MYO16: variants seen among roughly 807,000 people sequenced by gnomAD.
MYO16 encodes the protein myosin XVI, also known as unconventional myosin-XVI.
In MYO16, 94 loss-of-function variants were observed where a neutral mutation model predicts 205.3. The ratio of observed to expected loss-of-function variants is 0.46; its 90% confidence interval spans 0.39 to 0.54. The LOEUF is 0.54. Ranked by LOEUF, MYO16 falls within the 20% of genes least tolerant of loss-of-function variation. The pLI is 0.00. For synonymous variants in MYO16, 988 were observed against 954.0 expected (o/e 1.04, Z -0.66); for missense variants, 2,315 against 2,387.5 (o/e 0.97, Z 0.63).
At chr13:108,793,782 C>A in intron 6 of MYO16, 142 bp downstream of exon 6, 1 of 967,418 alleles carries the variant, frequency 1.0e-6, no homozygotes, top group Non-Finnish European at 1.5e-6. Flanking sequence ...TTTTGGAAAA[C>A]ACCTAAGTAA....
chr13:108,742,182 C>G (rs568580146), intron 4 of MYO16, among the ~76,000 whole-genome samples: 1 of 151,992 alleles, frequency 6.6e-6, no homozygotes, highest in Admixed American at 6.6e-5. Flanking sequence ...TTAGTAGAGA[C>G]GGGTTTTCAC....
chr13:108,684,477 T>A (rs1392407459), intron 2 of MYO16, among the ~76,000 whole-genome samples: 1 of 152,210 alleles, frequency 6.6e-6, no homozygotes, highest in African/African-American at 2.4e-5. Context: ...TCTGTATCTG[T>A]GTCTATTTGT....
At chr13:108,671,748 GATCAAGGT>G (rs1468932628) in intron 2 of MYO16, among the ~76,000 whole-genome samples, 1 of 152,262 alleles carries the variant, frequency 6.6e-6, no homozygotes. Flanking sequence ...GGAAGTCCAA[GATCAAGGT>G]ACCTGGCTTG....
rs1299840890 is a variant in MYO16 at position 108,806,823 on chromosome 13, T to C, written c.867+19T>C. The C allele has an allele frequency of 2.1e-6, 3 of 1,450,338 alleles. No individual in the cohort carries two copies. The South Asian group carries it at 5.2e-5, about 25-fold the overall frequency. 89.8% of individuals were successfully genotyped at this position (1,450,338 alleles called of 1,614,324 possible). A position where few individuals can be genotyped will look rare whatever the true frequency, so the allele number is the denominator to read the frequency against. On this transcript the variant is annotated intron_variant, in intron 7 of 34. Coordinates refer to ENST00000457511, the MANE Select transcript of MYO16 (RefSeq NM_001198950.3). ...TGGCCAGGTAGAGTGATTTGCTGAA[T>C]TCTTTAAAAAATAATTTTATATAAT...
At chr13:108,751,325 A>G (rs1296340248) in intron 4 of MYO16, among the ~76,000 whole-genome samples, 3 of 152,206 alleles carry the variant, frequency 2.0e-5, no homozygotes, top group Non-Finnish European at 4.4e-5. Context: ...TTTAAGGAGT[A>G]CATCAAAGAA....
At chr13:108,909,739 G>A (rs982159466) in intron 15 of MYO16, among the ~76,000 whole-genome samples, 1 of 152,080 alleles carries the variant, frequency 6.6e-6, no homozygotes, top group Non-Finnish European at 1.5e-5. Flanking sequence ...ACAGACAAGA[G>A]CAAATCTTGT....
chr13:109,134,718 T>C (rs1876691268), intron 31 of MYO16, among the ~76,000 whole-genome samples: 1 of 152,166 alleles, frequency 6.6e-6, no homozygotes, highest in Non-Finnish European at 1.5e-5. Flanking sequence ...GCAGCATCGC[T>C]TTCAGGGAGC....
At chr13:108,833,430 T>C (rs1050310332) in intron 9 of MYO16, among the ~76,000 whole-genome samples, 1 of 152,172 alleles carries the variant, frequency 6.6e-6, no homozygotes, top group African/African-American at 2.4e-5. Flanking sequence ...AAAATTGATG[T>C]AGCTATGTTT....
chr13:108,689,124 G>A (rs1420047238), intron 2 of MYO16, among the ~76,000 whole-genome samples: 1 of 107,164 alleles, frequency 9.3e-6, no homozygotes, highest in African/African-American at 3.7e-5. Flanking sequence ...TAAAACTTTA[G>A]TTGATAATCT....
intron 34 of MYO16, among the ~76,000 whole-genome samples, chr13:109,191,403 A>G (rs1459289862): frequency 1.3e-5 from 2 of 152,154 alleles, no homozygotes; most frequent in African/African-American, 4.8e-5. Flanking sequence ...TAAAATATGT[A>G]ATACACTAAA....
At chr13:109,126,563 C>A (rs969333856) in intron 30 of MYO16, among the ~76,000 whole-genome samples, 1 of 152,174 alleles carries the variant, frequency 6.6e-6, no homozygotes, top group Non-Finnish European at 1.5e-5. Flanking sequence ...TCTGCTGGAA[C>A]TAAACGGCCA....
intron 32 of MYO16, among the ~76,000 whole-genome samples, chr13:109,143,561 AG>A (rs1285171317): frequency 6.6e-6 from 1 of 152,200 alleles, no homozygotes; most frequent in Non-Finnish European, 1.5e-5. Flanking sequence ...GAAAGGAACA[AG>A]GTGAGTTCTT....
chr13:108,652,536 C>T (rs1881058725), intron 1 of MYO16, among the ~76,000 whole-genome samples: 1 of 152,164 alleles, frequency 6.6e-6, no homozygotes, highest in Non-Finnish European at 1.5e-5. Flanking sequence ...CATTCTGAAG[C>T]TCTGTACCCA....
Position 109,178,643 on chromosome 13 carries a change from G to A in MYO16, c.5324-899G>A, listed in dbSNP as rs9583343. On this transcript the variant is annotated intron_variant, in intron 33 of 34. Transcript: ENST00000457511. ...ATGTTTATTAATCGAAGTCACTTGC[G>A]GTGATGCATTGCGCCTGTATCACAG... 9.5e-3 allele frequency among the ~76,000 whole-genome samples: 1,449 copies of A among 152,130 alleles called. 15 individuals are homozygous for A. The highest frequency in any genetic ancestry group is 0.048 in the Middle Eastern group (14 of 292).
chr13:109,127,764 C>T lies in MYO16; in HGVS notation c.4051+214C>T, dbSNP rs1028590131. On this transcript the variant is annotated intron_variant, in intron 31 of 34. Transcript: ENST00000457511. The surrounding 1 kb of genome is among the most constrained non-coding windows in gnomAD (Gnocchi z 4.2). ...GGAAAAGCTACTTACATGGCATTTC[C>T]TTAACTCCCATCCCCACCCTGCCTC... 7.2e-5 allele frequency among the ~76,000 whole-genome samples: 11 copies of T among 151,824 alleles called. No homozygotes were observed. The highest frequency in any genetic ancestry group is 1.5e-4 in the Non-Finnish European group (10 of 67,974).
the MYO16 span, among the ~76,000 whole-genome samples, chr13:108,496,148 C>T: frequency 1.7e-3 from 263 of 152,176 alleles, 5 homozygotes; most frequent in East Asian, 0.037. Flanking sequence ...GGAGGCTTGT[C>T]GGTCCCTTCC....
In MYO16 at chr13:109,052,429, C is replaced by G. The variant is rs757480622; in HGVS notation, c.3002C>G (p.Ala1001Gly). 1.2e-6 allele frequency: 2 copies of G among 1,611,796 alleles called. No individual in the cohort carries two copies. Among genetic ancestry groups the G allele is most frequent in the Non-Finnish European group, 1.7e-6 (2 of 1,178,488 alleles). Residue 1001 changes from alanine (A) to glycine (G), a missense_variant, in exon 25 of 35, where the codon GCT becomes GGT. By Grantham distance (60) the Ala-to-Gly change is moderately conservative (BLOSUM62 0). This residue lies in a region of MYO16 where 1,213 missense variants were observed against 1,274.4 expected (regional missense o/e 0.95). Transcript: ENST00000457511. ...KSALLSKKMT[A>G]SSIIGENKNY... ...GCCCTGCTCAGTAAGAAAATGACAGCTTCTTCAATTATTGGAGAAAACAAG... is the reference window on the plus strand; with the variant it reads ...GCCCTGCTCAGTAAGAAAATGACAGGTTCTTCAATTATTGGAGAAAACAAG...
chr13:109,019,571 T>C, intron 22 of MYO16, 140 bp from the exon 23 acceptor site: 1 of 642,158 alleles, frequency 1.6e-6, no homozygotes, highest in Non-Finnish European at 2.6e-6. Flanking sequence ...GAAATAGAAA[T>C]ATATTAAGGT....
chr13:108,800,079 G>A (rs181753361), intron 6 of MYO16, among the ~76,000 whole-genome samples: 11 of 152,216 alleles, frequency 7.2e-5, no homozygotes, highest in Admixed American at 5.2e-4. Flanking sequence ...TCTTCCAAAT[G>A]GTCCTTTATG....
Sources: allele counts gnomAD v4.1 joint callset (sites outside exome capture counted in the v4.1 genomes callset), GRCh38; gene constraint gnomAD v4.1.1; regional missense constraint gnomAD v4.1.1; non-coding constraint Gnocchi (gnomAD v3.1); transcripts MANE v1.5; gene names NCBI Gene and HGNC (gene_info 2026-07-23, HGNC 2026-07-21).